RAB30: variants seen among roughly 807,000 people sequenced by gnomAD.
The protein encoded by RAB30 is RAB30, member RAS oncogene family.
In RAB30, 9 loss-of-function variants were observed where a neutral mutation model predicts 25.1. That is an observed-to-expected ratio of 0.36 (90% CI 0.22 to 0.63). The LOEUF (loss-of-function observed/expected upper bound fraction) is 0.63, where lower values mean the gene tolerates loss of function less well. Among genes scored for constraint, RAB30 ranks in the 20% least tolerant of loss-of-function variants. RAB30 has a pLI of 0.69. For synonymous variants in RAB30, 77 were observed against 86.4 expected, an observed-to-expected ratio of 0.89 and a Z score of 0.60; for missense variants, 140 against 243.5, an observed-to-expected ratio of 0.58 and a Z score of 2.83.
At chr11:82,992,736 A>AACACACACACACACACAC (rs113845129) in intron 3 of RAB30, among the ~76,000 whole-genome samples, 11 of 131,218 alleles carry the variant, frequency 8.4e-5, no homozygotes, top group Middle Eastern at 3.6e-3. Flanking sequence ...CTCTGTCACC[A>AACACACACACACACACAC]ACACACACAC....
chr11:82,992,356 T>A, intron 3 of RAB30: 2 of 456,266 alleles, frequency 4.4e-6, no homozygotes, highest in South Asian at 3.1e-5. Context: ...CATTCACTGC[T>A]GTATTTGGTG....
chr11:82,992,247 G>T, intron 3 of RAB30: 3 of 453,952 alleles, frequency 6.6e-6, no homozygotes, highest in Non-Finnish European at 4.4e-6. Context: ...CCACAGCCTA[G>T]CTCCTTCTTC....
chr11:83,015,282 T>G (rs935719485), intron 1 of RAB30, among the ~76,000 whole-genome samples: 1 of 152,056 alleles, frequency 6.6e-6, no homozygotes, highest in East Asian at 1.9e-4. Flanking sequence ...TGGACCAGGG[T>G]GCTGGTAGTG....
intron 1 of RAB30, among the ~76,000 whole-genome samples, chr11:83,024,443 C>G (rs1033747668): frequency 1.3e-5 from 2 of 152,222 alleles, no homozygotes. Context: ...ACTAAGGAAC[C>G]AATGCAGTAC....
Position 82,979,371 on chromosome 11 carries a change from A to T in RAB30, c.*2794T>A, listed in dbSNP as rs1284041635. On this transcript the variant is annotated 3_prime_UTR_variant, in exon 5 of 5. Coordinates refer to ENST00000527633, the MANE Select transcript of RAB30 (RefSeq NM_001286060.2). The stretch of plus-strand genomic sequence containing the variant: ...GTCTTAGTAGACCGAGCCAAATTAA[A>T]CTATATGATAAAGCAATTTCTCTTT... The T allele has an allele frequency of 1.3e-5, 2 of 152,218 alleles. No homozygotes were observed. The highest frequency in any genetic ancestry group is 4.8e-5 in the African/African-American group (2 of 41,468). The allele number at this position is 152,218 out of a possible 1,614,324, so 9.4% of individuals were successfully genotyped here.
chr11:83,027,291 G>C (rs902216828), intron 1 of RAB30, among the ~76,000 whole-genome samples: 1 of 152,150 alleles, frequency 6.6e-6, no homozygotes, highest in Non-Finnish European at 1.5e-5. Flanking sequence ...AAAAAAGTAA[G>C]AGTGTCTTTG....
chr11:83,033,751 T>TA (rs757956059), intron 1 of RAB30, among the ~76,000 whole-genome samples: 55 of 152,102 alleles, frequency 3.6e-4, no homozygotes, highest in Middle Eastern at 6.8e-3. Context: ...AAAACAATAA[T>TA]AAATAAATAA....
chr11:83,055,378 T>A (rs1858437073), intron 1 of RAB30, among the ~76,000 whole-genome samples: 1 of 152,226 alleles, frequency 6.6e-6, no homozygotes, highest in Non-Finnish European at 1.5e-5. Flanking sequence ...ACCATGAACT[T>A]GGAGATCTGT....
At position 82,997,322 on chromosome 11, in the gene RAB30, C is replaced by A. The variant is rs1167231146; in HGVS notation, c.-6G>T. 1.3e-6 allele frequency: 2 copies of A among 1,598,866 alleles called. No individual in the cohort carries two copies. Among genetic ancestry groups the A allele is most frequent in the South Asian group, 2.2e-5 (2 of 90,728 alleles). ...TCATAATCTTCCATACTCATTTACA[C>A]AGCTGCAAGGCAAACACAGGCAAAA... On this transcript the variant is annotated splice_region_variant and 5_prime_UTR_variant, in exon 2 of 5. Transcript: ENST00000527633.
chr11:83,003,313 T>C (rs1261702746), intron 1 of RAB30, among the ~76,000 whole-genome samples: 1 of 152,192 alleles, frequency 6.6e-6, no homozygotes, highest in African/African-American at 2.4e-5. Flanking sequence ...TTGCAGAAAA[T>C]ACAGACAAGC....
chr11:83,015,053 T>C (rs112911312), intron 1 of RAB30, among the ~76,000 whole-genome samples: 33 of 152,312 alleles, frequency 2.2e-4, no homozygotes, highest in Non-Finnish European at 4.6e-4. Flanking sequence ...ACAGGTCACA[T>C]AGAGCTTGGA....
At position 83,039,250 on chromosome 11, in the gene RAB30, C is replaced by G. The variant is rs139950770; in HGVS notation, c.-9+32441G>C. 443 of 152,260 alleles carry G rather than the reference C, an allele frequency of 2.9e-3. 4 individuals carry two copies. Among genetic ancestry groups the G allele is most frequent in the African/African-American group, 0.01 (429 of 41,552 alleles). 9.4% of individuals were successfully genotyped at this position (152,260 alleles called of 1,614,324 possible). On this transcript the variant is annotated intron_variant, in intron 1 of 4. Transcript: ENST00000527633. Reference sequence around the variant, plus strand: ...GAATATTTCTTGAGTTCCTGCTAGGCACATCATCAAGAAGCTAGGGTTACA... The same window carrying G: ...GAATATTTCTTGAGTTCCTGCTAGGGACATCATCAAGAAGCTAGGGTTACA...
intron 1 of RAB30, among the ~76,000 whole-genome samples, chr11:83,066,743 G>C (rs897987935): frequency 6.6e-6 from 1 of 152,116 alleles, no homozygotes; most frequent in African/African-American, 2.4e-5. Context: ...GTAGAGACGG[G>C]GTTTCACCAT....
intron 2 of RAB30, among the ~76,000 whole-genome samples, chr11:82,995,243 C>T (rs1311812282): frequency 6.6e-6 from 1 of 152,122 alleles, no homozygotes; most frequent in Non-Finnish European, 1.5e-5. Flanking sequence ...AAAGTTTTAG[C>T]TTAAAAGACT....
chr11:83,002,903 G>T (rs1333052639), intron 1 of RAB30, among the ~76,000 whole-genome samples: 1 of 152,206 alleles, frequency 6.6e-6, no homozygotes, highest in African/African-American at 2.4e-5. Flanking sequence ...CAGAGGCCAG[G>T]TCTTCTCCCC....
intron 1 of RAB30, among the ~76,000 whole-genome samples, chr11:83,009,914 C>T (rs531412125): frequency 6.0e-4 from 92 of 152,262 alleles, no homozygotes; most frequent in Non-Finnish European, 9.6e-4. Context: ...TAAATGTGCA[C>T]AAAGATTTAC....
intron 4 of RAB30, among the ~76,000 whole-genome samples, chr11:82,985,419 G>T (rs2121436298): frequency 6.6e-6 from 1 of 152,214 alleles, no homozygotes; most frequent in African/African-American, 2.4e-5. Flanking sequence ...TGTTCTATGA[G>T]AACTACCCCT....
Position 83,001,046 on chromosome 11 carries a change from C to CAAAAA in RAB30, c.-8-3727_-8-3723dup, listed in dbSNP as rs1181057652. On this transcript the variant is annotated intron_variant, in intron 1 of 4. Coordinates refer to ENST00000527633, the MANE Select transcript of RAB30 (RefSeq NM_001286060.2). Reference sequence around the variant, plus strand: ...TGGGCGACAGAACGAGACTCCGTCTCAAAAAAAAAAAAAAAAAAAAAAAAG... The same window carrying CAAAAA: ...TGGGCGACAGAACGAGACTCCGTCTCAAAAAAAAAAAAAAAAAAAAAAAAAAAAAG... Among the ~76,000 whole-genome samples, 21 of 53,616 alleles carry CAAAAA rather than the reference C, an allele frequency of 3.9e-4. 1 individual carries two copies. The highest frequency in any genetic ancestry group is 1.2e-3 in the African/African-American group (16 of 12,922). 35.2% of individuals were successfully genotyped at this position (53,616 alleles called of 152,430 possible). A position where few individuals can be genotyped will look rare whatever the true frequency, so the allele number is the denominator to read the frequency against.
intron 1 of RAB30, among the ~76,000 whole-genome samples, chr11:83,043,729 T>C (rs1426437828): frequency 4.6e-5 from 7 of 152,310 alleles, no homozygotes; most frequent in Admixed American, 6.5e-5. Context: ...GTTTTTTGGT[T>C]GTCCTTTGTA....
Sources: gnomAD v4.1 joint callset for allele counts (sites outside exome capture counted in the v4.1 genomes callset) on GRCh38, gnomAD v4.1.1 for gene constraint, MANE v1.5 for transcripts, NCBI Gene and HGNC (gene_info 2026-07-23, HGNC 2026-07-21) for gene names.